Variants in SETBP1 observed in about 807,000 individuals in gnomAD.
SETBP1 encodes the protein SET binding protein 1, also known as SET-binding protein.
SETBP1 carries 9 observed loss-of-function variants against 101.0 expected under a neutral mutation model. The ratio of observed to expected loss-of-function variants is 0.09; its 90% CI spans 0.05 to 0.16. The LOEUF (loss-of-function observed/expected upper bound fraction) is 0.16, where lower values mean the gene tolerates loss of function less well. Among genes scored for constraint, SETBP1 ranks in the 10% least tolerant of loss-of-function variants. SETBP1 has a pLI of 1.00. For synonymous variants in SETBP1, 818 were observed against 788.5 expected (o/e 1.04, Z -0.63); for missense variants, 1,858 against 2,033.8 (o/e 0.91, Z 1.66).
At chr18:44,803,222 A>G (rs1195392338) in intron 2 of SETBP1, among the ~76,000 whole-genome samples, 1 of 152,184 alleles carries the variant, frequency 6.6e-6, no homozygotes, top group African/African-American at 2.4e-5. Context: ...CTATGTTAAC[A>G]GTCATATCAG....
At chr18:45,043,891 A>G (rs995680086) in intron 5 of SETBP1, among the ~76,000 whole-genome samples, 1 of 152,212 alleles carries the variant, frequency 6.6e-6, no homozygotes, top group East Asian at 1.9e-4. Flanking sequence ...TGATGTGAAA[A>G]TTGCTTTCAG....
chr18:44,886,175 A>G (rs1308546711), intron 3 of SETBP1, among the ~76,000 whole-genome samples: 1 of 152,172 alleles, frequency 6.6e-6, no homozygotes, highest in East Asian at 1.9e-4. Context: ...CTATGTGGCC[A>G]GTGTGTCTTT....
chr18:45,039,943 T>C (rs1391531475), intron 5 of SETBP1, among the ~76,000 whole-genome samples: 1 of 152,190 alleles, frequency 6.6e-6, no homozygotes, highest in Non-Finnish European at 1.5e-5. Flanking sequence ...CATGGAAAAG[T>C]AGGTGTAGGA....
chr18:44,710,407 A>G (rs2069311825), intron 2 of SETBP1, among the ~76,000 whole-genome samples: 1 of 151,102 alleles, frequency 6.6e-6, no homozygotes, highest in Non-Finnish European at 1.5e-5. Context: ...CATTAAATAT[A>G]GAAAATACAC....
chr18:44,682,789 C>G (rs1222300181), intron 1 of SETBP1, among the ~76,000 whole-genome samples: 1 of 152,114 alleles, frequency 6.6e-6, no homozygotes, highest in African/African-American at 2.4e-5. Context: ...TTCTCCTCCC[C>G]CGTTAAGGGG....
chr18:44,758,177 C>T lies in SETBP1; in HGVS notation c.486+56345C>T, dbSNP rs543531305. 2.8e-4 allele frequency among the ~76,000 whole-genome samples: 42 copies of T among 152,218 alleles called. No individual in the cohort carries two copies. The South Asian group carries it at 7.3e-3, about 26-fold the overall frequency. On this transcript the variant is annotated intron_variant, in intron 2 of 5. Transcript: ENST00000649279. ...TCTGGACATAGATTACTGAGGCAGC[C>T]GCTGATGTCAGGACACCCCAGAGCT...
intron 2 of SETBP1, among the ~76,000 whole-genome samples, chr18:44,822,897 C>T (rs1225869956): frequency 6.6e-6 from 1 of 152,186 alleles, no homozygotes; most frequent in Non-Finnish European, 1.5e-5. Flanking sequence ...CACACCTGTA[C>T]TTTGGGAGGC....
chr18:44,827,675 T>C (rs1029675031), intron 2 of SETBP1, among the ~76,000 whole-genome samples: 15 of 152,218 alleles, frequency 9.9e-5, no homozygotes, highest in Non-Finnish European at 1.8e-4. Flanking sequence ...CTTATTCTTC[T>C]TGGGTGAGGA....
At chr18:44,829,517 T>G (rs928469004) in intron 2 of SETBP1, among the ~76,000 whole-genome samples, 2 of 152,212 alleles carry the variant, frequency 1.3e-5, no homozygotes, top group Admixed American at 1.3e-4. Context: ...AGTTATATCC[T>G]GGTTTCCATC....
intron 1 of SETBP1, among the ~76,000 whole-genome samples, chr18:44,691,555 C>CA (rs1466465559): frequency 3.9e-5 from 6 of 152,170 alleles, no homozygotes; most frequent in African/African-American, 1.4e-4. Context: ...CCAGAGGAGA[C>CA]ACTGTTTTTT....
At chr18:44,686,060 T>C (rs2068834427) in intron 1 of SETBP1, among the ~76,000 whole-genome samples, 1 of 152,182 alleles carries the variant, frequency 6.6e-6, no homozygotes, top group Admixed American at 6.5e-5. Flanking sequence ...GAAACCACAA[T>C]ACTTAAGCAA....
At chr18:45,026,186 G>A (rs1419159285) in intron 4 of SETBP1, among the ~76,000 whole-genome samples, 1 of 152,216 alleles carries the variant, frequency 6.6e-6, no homozygotes, top group Non-Finnish European at 1.5e-5. Context: ...TGGCCCTACA[G>A]CTTGTATCAC....
chr18:44,880,351 G>C (rs2069502073), intron 3 of SETBP1, among the ~76,000 whole-genome samples: 1 of 152,152 alleles, frequency 6.6e-6, no homozygotes, highest in South Asian at 2.1e-4. Context: ...GATAGGGCAA[G>C]TAGTTTGCTG....
chr18:44,921,980 CAGATT>C lies in SETBP1; in HGVS notation c.541-27897_541-27893del, dbSNP rs72025076. On this transcript the variant is annotated intron_variant, in intron 3 of 5. Coordinates refer to ENST00000649279, the MANE Select transcript of SETBP1 (RefSeq NM_015559.3). ...CTATGACCCATGTATTTCCAGACGT[CAGATT>C]AGAAGGACCAATTGGCCAAGCTTGA... Among the ~76,000 whole-genome samples the C allele has an allele frequency of 7.5e-3, 1,140 of 152,264 alleles. 11 individuals carry two copies. Among genetic ancestry groups the C allele is most frequent in the African/African-American group, 0.027 (1,104 of 41,554 alleles).
intron 5 of SETBP1, among the ~76,000 whole-genome samples, chr18:45,060,859 CA>C (rs142415747): frequency 0.03 from 4,622 of 152,228 alleles, 214 homozygotes; most frequent in African/African-American, 0.1. Flanking sequence ...ATATTTTCCC[CA>C]AATGACCTGC....
At chr18:44,889,534 G>A (rs1167567206) in intron 3 of SETBP1, among the ~76,000 whole-genome samples, 1 of 152,266 alleles carries the variant, frequency 6.6e-6, no homozygotes, top group East Asian at 1.9e-4. Flanking sequence ...GTTCTAGGGA[G>A]CTCAGAGCGT....
intron 3 of SETBP1, among the ~76,000 whole-genome samples, chr18:44,947,753 G>C (rs184933682): frequency 2.0e-5 from 3 of 152,210 alleles, no homozygotes; most frequent in African/African-American, 7.2e-5. Context: ...TGATCTGCCC[G>C]CCTCGGCCTC....
chr18:44,854,980 C>T (rs577992980), intron 2 of SETBP1, among the ~76,000 whole-genome samples: 1 of 152,304 alleles, frequency 6.6e-6, no homozygotes, highest in East Asian at 1.9e-4. Context: ...ATGTCAGTAA[C>T]TTTGCACATT....
chr18:44,872,936 A>G (rs1300400301), intron 3 of SETBP1, among the ~76,000 whole-genome samples: 1 of 152,254 alleles, frequency 6.6e-6, no homozygotes, highest in African/African-American at 2.4e-5. Flanking sequence ...GTTGTCTCAG[A>G]GAATAGGATA....
Sources: gnomAD v4.1 joint callset for allele counts (sites outside exome capture counted in the v4.1 genomes callset) on GRCh38, gnomAD v4.1.1 for gene constraint, MANE v1.5 for transcripts, NCBI Gene and HGNC (gene_info 2026-07-23, HGNC 2026-07-21) for gene names.